Variants in WWP2 observed in about 807,000 individuals in gnomAD.
WWP2 encodes WW domain containing E3 ubiquitin protein ligase 2, also known as NEDD4-like E3 ubiquitin-protein ligase WWP2.
In WWP2, 57 loss-of-function variants were observed where a neutral mutation model predicts 121.0. The observed-to-expected ratio is 0.47, with a 90% CI of 0.38 to 0.59. The LOEUF is 0.59. WWP2 is among the 20% of genes least tolerant of loss of function. The pLI, the probability that WWP2 is intolerant of heterozygous loss-of-function variation, is 0.00. For synonymous variants in WWP2, 449 were observed against 441.3 expected (o/e 1.02, Z -0.22); for missense variants, 962 against 1,158.9 (o/e 0.83, Z 2.47).
chr16:69,843,740 G>T (rs1307785640), intron 6 of WWP2, among the ~76,000 whole-genome samples: 1 of 151,952 alleles, frequency 6.6e-6, no homozygotes, highest in Non-Finnish European at 1.5e-5. Flanking sequence ...ATGGTAGTGT[G>T]TGCCTGTAGT....
At chr16:69,897,840 G>A (rs1371668657) in intron 8 of WWP2, among the ~76,000 whole-genome samples, 4 of 151,460 alleles carry the variant, frequency 2.6e-5, no homozygotes, top group East Asian at 2.0e-4. Context: ...CCAGGGAGGC[G>A]GAGGTTACAG....
intron 4 of WWP2, among the ~76,000 whole-genome samples, chr16:69,801,291 G>C (rs1310249308): frequency 6.6e-6 from 1 of 151,282 alleles, no homozygotes; most frequent in Non-Finnish European, 1.5e-5. Context: ...GAGTGCAGTG[G>C]TGCAATCTCG....
intron 2 of WWP2, among the ~76,000 whole-genome samples, chr16:69,791,224 TTTTC>T (rs201228009): frequency 6.6e-6 from 1 of 151,176 alleles, no homozygotes; most frequent in Non-Finnish European, 1.5e-5. Context: ...TCTTTTCTTT[TTTTC>T]TTTCTTTTTT....
Position 69,799,084 on chromosome 16 carries a change from C to A in WWP2, c.219-90C>A. The A allele has an allele frequency of 6.5e-7, 1 of 1,533,552 alleles. No homozygotes were observed. The highest frequency in any genetic ancestry group is 1.3e-5 in the South Asian group (1 of 77,006). 95.0% of individuals were successfully genotyped at this position (1,533,552 alleles called of 1,614,324 possible). A position where few individuals can be genotyped will look rare whatever the true frequency, so the allele number is the denominator to read the frequency against. ...GTCTGCCTGTTTTGGTTCCCCCTCC[C>A]CAAGATGTCAGCAGTTTAGTTTAAA... On this transcript the variant is annotated intron_variant, in intron 3 of 23. Coordinates refer to ENST00000359154, the MANE Select transcript of WWP2 (RefSeq NM_001270454.2). This position sits in a 1 kb window ranked among gnomAD's most constrained non-coding sequence, Gnocchi z 4.5.
chr16:69,822,795 T>C (rs1407134280), intron 4 of WWP2, among the ~76,000 whole-genome samples: 2 of 152,026 alleles, frequency 1.3e-5, no homozygotes, highest in East Asian at 3.9e-4. Flanking sequence ...AAACAGAATT[T>C]GAGGTGTGTG....
chr16:69,826,954 AGG>A (rs66938317), intron 4 of WWP2, among the ~76,000 whole-genome samples: 9 of 110,362 alleles, frequency 8.2e-5, no homozygotes, highest in Non-Finnish European at 1.3e-4. Context: ...AAAAAAAAAA[AGG>A]GGGGGGGGCG....
chr16:69,789,343 C>T (rs1450959599), intron 2 of WWP2, among the ~76,000 whole-genome samples: 1 of 152,104 alleles, frequency 6.6e-6, no homozygotes, highest in Non-Finnish European at 1.5e-5. Flanking sequence ...AATTCTTCTG[C>T]CTCAGCCTCC....
intron 1 of WWP2, among the ~76,000 whole-genome samples, chr16:69,769,901 A>C (rs1475758987): frequency 1.4e-5 from 2 of 139,646 alleles, no homozygotes; most frequent in Non-Finnish European, 3.0e-5. Context: ...TTGAGATAGA[A>C]TCTCGCTGTG....
chr16:69,914,594 A>C (rs4985377), intron 9 of WWP2, among the ~76,000 whole-genome samples: 115,091 of 151,870 alleles, frequency 0.76, 44,552 homozygotes, highest in East Asian at 0.96. Flanking sequence ...ACTATCTCTT[A>C]GAAAAACAAA....
chr16:69,794,310 G>T (rs1042193930), intron 2 of WWP2, among the ~76,000 whole-genome samples: 1 of 152,140 alleles, frequency 6.6e-6, no homozygotes, highest in Non-Finnish European at 1.5e-5. Context: ...GGATGACTTT[G>T]AGCTCAGGCT....
intron 4 of WWP2, among the ~76,000 whole-genome samples, chr16:69,806,433 A>G (rs568630763): frequency 6.6e-6 from 1 of 152,308 alleles, no homozygotes; most frequent in South Asian, 2.1e-4. Flanking sequence ...TTTATAAAGT[A>G]AATTGATGTG....
At chr16:69,798,623 A>T in intron 2 of WWP2, 59 bp from the exon 3 acceptor site, 1 of 1,547,434 alleles carries the variant, frequency 6.5e-7, no homozygotes, top group Non-Finnish European at 8.8e-7. Flanking sequence ...CATCTGCCAC[A>T]GGGGGGCATC....
At chr16:69,814,496 G>A (rs1044676706) in intron 4 of WWP2, among the ~76,000 whole-genome samples, 4 of 152,090 alleles carry the variant, frequency 2.6e-5, no homozygotes, top group African/African-American at 4.8e-5. Context: ...CACAGAAGGC[G>A]ATTTGAGAAT....
intron 5 of WWP2, 148 bp downstream of exon 5, chr16:69,840,411 C>T: frequency 2.1e-6 from 2 of 958,146 alleles, no homozygotes; most frequent in East Asian, 2.6e-5. Context: ...CTCTTCTTAG[C>T]TCCGTGGATC....
intron 1 of WWP2, among the ~76,000 whole-genome samples, chr16:69,765,264 C>G (rs952685048): frequency 6.6e-6 from 1 of 151,834 alleles, no homozygotes; most frequent in Non-Finnish European, 1.5e-5. Context: ...CCCACTTAAC[C>G]TTGACTTGAA....
intron 4 of WWP2, among the ~76,000 whole-genome samples, chr16:69,813,305 G>A (rs1034307175): frequency 6.6e-6 from 1 of 152,082 alleles, no homozygotes; most frequent in African/African-American, 2.4e-5. Flanking sequence ...TGGGATTACA[G>A]GCATGTGCCA....
chr16:69,931,517 C>T lies in WWP2; in HGVS notation c.1530C>T (p.Ala510=), dbSNP rs770954085. 1.2e-6 allele frequency: 2 copies of T among 1,613,714 alleles called. No individual in the cohort carries two copies. Among genetic ancestry groups the T allele is most frequent in the Non-Finnish European group, 1.7e-6 (2 of 1,179,924 alleles). The change falls in exon 15 of 24, where the codon GCC becomes GCT. Residue 510 remains alanine, a synonymous_variant. Coordinates refer to ENST00000359154, the MANE Select transcript of WWP2 (RefSeq NM_001270454.2). ...TCTTTTTTTTTTTTCAGTCAAATGC[C>T]CTACCTAGCCACGTGAAGATCAGCG... ...HQFRFLCHSN[A]LPSHVKISVS...
At chr16:69,924,950 T>C (rs955938531) in intron 10 of WWP2, 1 of 987,234 alleles carries the variant, frequency 1.0e-6, no homozygotes, top group Non-Finnish European at 1.2e-6. Context: ...GGGCAGGGCT[T>C]GTGGGAATGA....
Position 69,797,407 on chromosome 16 carries a change from G to T in WWP2, c.71-1275G>T, listed in dbSNP as rs561407738. Among the ~76,000 whole-genome samples the T allele has an allele frequency of 3.3e-5, 5 of 152,236 alleles. No individual in the cohort carries two copies. In the South Asian group the frequency reaches 1.0e-3, roughly 32 times the overall value. ...GCACAGTCTGGCTTGTAGCTCCCTG[G>T]CTATGTAGAGTGGGAGAGTGACCTT... On this transcript the variant is annotated intron_variant, in intron 2 of 23. Coordinates refer to ENST00000359154, the MANE Select transcript of WWP2 (RefSeq NM_001270454.2).
Sources: allele counts gnomAD v4.1 joint callset (sites outside exome capture counted in the v4.1 genomes callset), GRCh38; gene constraint gnomAD v4.1.1; non-coding constraint Gnocchi (gnomAD v3.1); transcripts MANE v1.5; gene names NCBI Gene and HGNC (gene_info 2026-07-23, HGNC 2026-07-21).